SLK: variants seen among roughly 807,000 people sequenced by gnomAD.
The protein encoded by SLK is STE20-like serine/threonine-protein kinase.
Under a neutral mutation model 147.7 loss-of-function variants are expected in SLK, and 67 were observed. That is an observed-to-expected ratio of 0.45 (90% confidence interval 0.37 to 0.56). SLK has a LOEUF of 0.56. SLK is among the 20% of genes least tolerant of loss of function. The pLI is 0.00. For synonymous variants in SLK, 441 were observed against 475.0 expected (o/e 0.93, Z 0.93); for missense variants, 1,136 against 1,438.8 (o/e 0.79, Z 3.41).
intron 13 of SLK, among the ~76,000 whole-genome samples, chr10:104,013,540 A>C (rs541944614): frequency 1.3e-5 from 2 of 152,370 alleles, no homozygotes; most frequent in East Asian, 3.8e-4. Context: ...AGGCCTCAAG[A>C]AACTCAACAT....
chr10:103,985,611 G>A (rs1435815383), intron 1 of SLK, among the ~76,000 whole-genome samples: 1 of 151,540 alleles, frequency 6.6e-6, no homozygotes, highest in African/African-American at 2.4e-5. Flanking sequence ...CATATTTTTT[G>A]TTTGTTTGTT....
rs980408306 is a variant in SLK at position 104,027,091 on chromosome 10, G to C, written c.*1371G>C. On this transcript the variant is annotated 3_prime_UTR_variant, in exon 19 of 19. Coordinates refer to ENST00000369755, the MANE Select transcript of SLK (RefSeq NM_014720.4). ...TCTTAAGAGTGCTAGGTACCAAATT[G>C]TGAAAGTTTGTTTTCAGTTATATTA... 2 of 152,174 alleles carry C rather than the reference G, an allele frequency of 1.3e-5. No individual in the cohort carries two copies. The highest frequency in any genetic ancestry group is 2.9e-5 in the Non-Finnish European group (2 of 68,020). The allele number at this position is 152,174 out of a possible 1,614,324, so 9.4% of individuals were successfully genotyped here.
Position 104,029,160 on chromosome 10 carries a change from TTATC to T in SLK, c.*3443_*3446del, listed in dbSNP as rs1158945481. On this transcript the variant is annotated 3_prime_UTR_variant, in exon 19 of 19. Coordinates refer to ENST00000369755, the MANE Select transcript of SLK (RefSeq NM_014720.4). ...AGAATTTTGTTTAAGATTATGCCTC[TTATC>T]TACTTGAGAGCAACATGTCTTTTCA... 10 of 152,232 alleles carry T rather than the reference TTATC, an allele frequency of 6.6e-5. No individual in the cohort carries two copies. The highest frequency in any genetic ancestry group is 2.4e-4 in the African/African-American group (10 of 41,470). 9.4% of individuals were successfully genotyped at this position (152,232 alleles called of 1,614,324 possible). A position where few individuals can be genotyped will look rare whatever the true frequency, so the allele number is the denominator to read the frequency against.
At position 104,027,560 on chromosome 10, in the gene SLK, A is replaced by G. The variant is rs1380488557; in HGVS notation, c.*1840A>G. The G allele has an allele frequency of 4.6e-5, 7 of 152,610 alleles. No individual in the cohort carries two copies. Among genetic ancestry groups the G allele is most frequent in the Admixed American group, 4.6e-4 (7 of 15,282 alleles). The allele number at this position is 152,610 out of a possible 1,614,324, so 9.5% of individuals were successfully genotyped here. ...GATGATAAAAATTGTTTATATTGTT[A>G]TGATAAAAATGACAGTATAATGTTG... On this transcript the variant is annotated 3_prime_UTR_variant, in exon 19 of 19. Transcript: ENST00000369755.
intron 1 of SLK, among the ~76,000 whole-genome samples, chr10:103,985,572 T>A (rs533376735): frequency 0.21 from 32,313 of 151,948 alleles, 3,756 homozygotes; most frequent in African/African-American, 0.31. Context: ...TTATTCCTTG[T>A]TTTTTAGATT....
chr10:103,993,525 T>G (rs1844127440), intron 4 of SLK, among the ~76,000 whole-genome samples: 1 of 152,178 alleles, frequency 6.6e-6, no homozygotes, highest in Non-Finnish European at 1.5e-5. Flanking sequence ...TCATGTCTAG[T>G]GAGTTTTTCC....
At chr10:104,019,063 G>A (rs955390925) in intron 15 of SLK, 155 bp downstream of exon 15, 2 of 655,286 alleles carry the variant, frequency 3.1e-6, no homozygotes, top group Non-Finnish European at 4.9e-6. Flanking sequence ...GTAATTAATT[G>A]TATCTTGATC....
At chr10:103,972,564 C>G (rs904093386) in intron 1 of SLK, among the ~76,000 whole-genome samples, 4 of 151,242 alleles carry the variant, frequency 2.6e-5, no homozygotes, top group Non-Finnish European at 4.4e-5. Context: ...CCCAGCTACT[C>G]GGGAGGCTGA....
chr10:104,018,427 C>A, intron 14 of SLK, 138 bp downstream of exon 14: 1 of 782,738 alleles, frequency 1.3e-6, no homozygotes, highest in Non-Finnish European at 2.0e-6. Flanking sequence ...TTTGTGTACT[C>A]ATTATGCCTT....
intron 2 of SLK, 27 bp from the exon 3 acceptor site, chr10:103,992,571 C>A (rs770860566): frequency 8.2e-7 from 1 of 1,214,942 alleles, no homozygotes; most frequent in Admixed American, 2.9e-5. Flanking sequence ...TTTAGACACA[C>A]GCTTTTTTTT....
At chr10:103,968,890 A>C (rs770291364) in intron 1 of SLK, among the ~76,000 whole-genome samples, 9 of 151,952 alleles carry the variant, frequency 5.9e-5, no homozygotes, top group Non-Finnish European at 1.2e-4. Context: ...CTAGACTTGA[A>C]CTCAGGTCTT....
chr10:104,002,725 T>G lies in SLK; in HGVS notation c.1547T>G (p.Val516Gly). The change falls in exon 9 of 19, where the codon GTT becomes GGT. Residue 516 changes from valine (V) to glycine (G), a missense_variant. Val to Gly is a moderately radical substitution (Grantham distance 109, BLOSUM62 -3). Transcript: ENST00000369755. ...GAAAAAGAGGCAAATATTCAGGCAGTTGATAGTGAAGTTGGGCTTACAAAG... is the reference window on the plus strand; with the variant it reads ...GAAAAAGAGGCAAATATTCAGGCAGGTGATAGTGAAGTTGGGCTTACAAAG... ...TGEKEANIQAVDSEVGLTKED... is the reference protein window; with the variant it reads ...TGEKEANIQAGDSEVGLTKED... The G allele has an allele frequency of 2.5e-6, 4 of 1,613,502 alleles. No individual in the cohort carries two copies. The highest frequency in any genetic ancestry group is 3.4e-6 in the Non-Finnish European group (4 of 1,179,840).
At chr10:103,994,969 G>C (rs1844147669) in intron 4 of SLK, among the ~76,000 whole-genome samples, 1 of 152,056 alleles carries the variant, frequency 6.6e-6, no homozygotes, top group African/African-American at 2.4e-5. Context: ...GCCCTTTTTT[G>C]ATGTTGCATC....
intron 12 of SLK, among the ~76,000 whole-genome samples, chr10:104,009,424 T>C (rs966694652): frequency 6.6e-6 from 1 of 152,166 alleles, no homozygotes; most frequent in African/African-American, 2.4e-5. Context: ...AGTCAAACAT[T>C]AATAAATACA....
Position 104,002,602 on chromosome 10 carries a change from A to C in SLK, c.1424A>C (p.Gln475Pro). The change falls in exon 9 of 19, where the codon CAG becomes CCG. Residue 475 changes from glutamine to proline, a missense_variant. Physicochemically the swap from Gln to Pro is moderately conservative, Grantham distance 76. Transcript: ENST00000369755. ...HNLKSEEEKD[Q>P]EKQQMFENKL... ...CTAAAATCTGAGGAAGAAAAGGATC[A>C]GGAAAAGCAACAGATGTTTGAAAAT... The C allele has an allele frequency of 6.2e-7, 1 of 1,606,002 alleles. No homozygotes were observed. Among genetic ancestry groups the C allele is most frequent in the African/African-American group, 1.3e-5 (1 of 74,542 alleles).
rs115915250 is a variant in SLK, at chr10:103,985,837, C to G, written c.151-4838C>G. 2.7e-3 allele frequency among the ~76,000 whole-genome samples: 408 copies of G among 152,220 alleles called. 1 individual carries two copies. Among genetic ancestry groups the G allele is most frequent in the African/African-American group, 9.6e-3 (398 of 41,542 alleles). ...ACCCAGGGAATACCTTCTGTTCAAA[C>G]AAGAGTAATATGAGGGTGTAATTTT... On this transcript the variant is annotated intron_variant, in intron 1 of 18. Transcript: ENST00000369755.
intron 1 of SLK, among the ~76,000 whole-genome samples, chr10:103,990,421 G>A (rs1195745783): frequency 6.6e-6 from 1 of 152,134 alleles, no homozygotes; most frequent in Non-Finnish European, 1.5e-5. Flanking sequence ...TATGCATGGA[G>A]CACGAGGGAA....
chr10:104,018,686 G>A (rs1295848126), intron 14 of SLK, 98 bp from the exon 15 acceptor site: 2 of 1,232,458 alleles, frequency 1.6e-6, no homozygotes, highest in Admixed American at 2.3e-5. Flanking sequence ...GTACGAGTTA[G>A]TGTATTTAGA....
chr10:104,002,891 T>C lies in SLK; in HGVS notation c.1713T>C (p.Ser571=). Residue 571 remains serine (S), a synonymous_variant, in exon 9 of 19, where the codon AGT becomes AGC. Transcript: ENST00000369755. Reference sequence around the variant, plus strand: ...AAGACAGTGCTGAGGATACGCAGAGTAATGATGGGAAAGAAGTGGTCGAAG... The same window carrying C: ...AAGACAGTGCTGAGGATACGCAGAGCAATGATGGGAAAGAAGTGGTCGAAG... ...VDEDSAEDTQ[S]NDGKEVVEVG... 6.2e-7 allele frequency: 1 copy of C among 1,613,880 alleles called. No individual in the cohort carries two copies. The highest frequency in any genetic ancestry group is 8.5e-7 in the Non-Finnish European group (1 of 1,179,960).
Sources: allele counts gnomAD v4.1 joint callset (sites outside exome capture counted in the v4.1 genomes callset), GRCh38; gene constraint gnomAD v4.1.1; transcripts MANE v1.5; gene names NCBI Gene and HGNC (gene_info 2026-07-23, HGNC 2026-07-21).